Variants in ABCC12 observed in about 807,000 individuals in gnomAD.
The protein encoded by ABCC12 is ATP binding cassette subfamily C member 12.
In ABCC12, 142 loss-of-function variants were observed where a neutral mutation model predicts 151.1. That is an observed-to-expected ratio of 0.94 (90% CI 0.82 to 1.08). The LOEUF (loss-of-function observed/expected upper bound fraction) is 1.08. Among genes scored for constraint, ABCC12 ranks in the 50% least tolerant of loss-of-function variants. The pLI is 0.00. For synonymous variants in ABCC12, 645 were observed against 646.4 expected (o/e 1.00, Z 0.03); for missense variants, 1,638 against 1,691.1 (o/e 0.97, Z 0.55).
rs147446673 is a variant in ABCC12, at chr16:48,091,194, G to A, written c.3211C>T (p.Gln1071Ter). The A allele has an allele frequency of 2.6e-5, 42 of 1,613,944 alleles. No homozygotes were observed. Among genetic ancestry groups the A allele is most frequent in the East Asian group, 1.1e-4 (5 of 44,898 alleles). ...SYIIQLSGLL[Q>*]VCVRTGTETQ... is the part of the protein sequence containing the mutation. ...TCTGTTCCCGTTCGCACACACACTT[G>A]GAGCAGTCCGCTCAGCTGTTGAAAA... Residue 1071 changes from glutamine to a stop codon, truncating the protein, a stop_gained, in exon 25 of 31, where the codon CAA becomes TAA. Coordinates refer to ENST00000311303, the MANE Select transcript of ABCC12 (RefSeq NM_001393797.1). LOFTEE classifies it high-confidence loss of function.
Position 48,096,815 on chromosome 16 carries a change from C to A in ABCC12, c.3126G>T (p.Leu1042Phe), listed in dbSNP as rs761374827. Residue 1042 changes from leucine to phenylalanine, a missense_variant, in exon 24 of 31, where the codon TTG becomes TTT. By Grantham distance (22) the Leu-to-Phe change is conservative (BLOSUM62 0). Transcript: ENST00000311303. ...TGGAGGAGAAACTCAGGGTCACCAA[C>A]AAGGCCACAGTGAAGGTAAGGATGT... ...LMNILTFTVALLVTLSFSSIS... is the reference protein window; with the variant it reads ...LMNILTFTVAFLVTLSFSSIS... 3.7e-6 allele frequency: 6 copies of A among 1,614,124 alleles called. 1 individual carries two copies. In the South Asian group the frequency reaches 5.5e-5, roughly 15 times the overall value.
chr16:48,121,890 T>C, intron 12 of ABCC12, 50 bp from the exon 13 acceptor site: 1 of 1,610,356 alleles, frequency 6.2e-7, no homozygotes, highest in Non-Finnish European at 8.5e-7. Flanking sequence ...TTGAGAACTT[T>C]TCCTCAAATG....
chr16:48,087,777 C>T, intron 27 of ABCC12, 149 bp downstream of exon 27: 1 of 781,730 alleles, frequency 1.3e-6, no homozygotes, highest in South Asian at 2.1e-5. Flanking sequence ...GAAACAGGGA[C>T]CAGCAGTGCT....
intron 9 of ABCC12, among the ~76,000 whole-genome samples, chr16:48,132,211 G>A (rs1021274520): frequency 5.9e-5 from 9 of 152,168 alleles, no homozygotes; most frequent in Admixed American, 1.3e-4. Flanking sequence ...ATTGGGCAGC[G>A]TTACATCCAG....
At chr16:48,107,586 T>C (rs1008516741) in intron 19 of ABCC12, among the ~76,000 whole-genome samples, 161 bp from the exon 20 acceptor site, 1 of 152,194 alleles carries the variant, frequency 6.6e-6, no homozygotes, top group Non-Finnish European at 1.5e-5. Flanking sequence ...CATCTGAGTG[T>C]TGGGACCCTG....
At chr16:48,130,561 C>T (rs1964387582) in intron 10 of ABCC12, among the ~76,000 whole-genome samples, 1 of 152,214 alleles carries the variant, frequency 6.6e-6, no homozygotes, top group African/African-American at 2.4e-5. Context: ...ACATCTTCTT[C>T]ATGTACAGAG....
chr16:48,104,077 A>G, intron 22 of ABCC12, 65 bp downstream of exon 22: 1 of 1,518,226 alleles, frequency 6.6e-7, no homozygotes, highest in Non-Finnish European at 9.0e-7. Flanking sequence ...CATGCTCAAT[A>G]TCACCTGATA....
rs114190511 is a variant in ABCC12 at position 48,135,960 on chromosome 16, G to A, written c.980-2125C>T. On this transcript the variant is annotated intron_variant, in intron 8 of 30. Transcript: ENST00000311303. ...GGACAGCTCCAGATGTTCTAATGGC[G>A]TGATCACTACATGCCAGGTGCTCTG... Among the ~76,000 whole-genome samples, 1,348 of 152,268 alleles carry A rather than the reference G, an allele frequency of 8.9e-3. 16 individuals carry two copies. Among genetic ancestry groups the A allele is most frequent in the African/African-American group, 0.029 (1,213 of 41,544 alleles).
At chr16:48,093,393 A>C (rs1315710872) in intron 24 of ABCC12, among the ~76,000 whole-genome samples, 1 of 152,100 alleles carries the variant, frequency 6.6e-6, no homozygotes, top group Non-Finnish European at 1.5e-5. Context: ...TCTTTCTTCC[A>C]GTCTTCCTTG....
chr16:48,144,311 C>T (rs1964926820), intron 3 of ABCC12, among the ~76,000 whole-genome samples: 1 of 152,162 alleles, frequency 6.6e-6, no homozygotes, highest in Admixed American at 6.5e-5. Context: ...AATTAAATTA[C>T]CTAAGTTTTA....
chr16:48,107,430 A>T lies in ABCC12; in HGVS notation c.2372-5T>A. 6.2e-7 allele frequency: 1 copy of T among 1,613,866 alleles called. No individual in the cohort carries two copies. On this transcript the variant is annotated splice_region_variant and splice_polypyrimidine_tract_variant and intron_variant, in intron 19 of 30. Coordinates refer to ENST00000311303, the MANE Select transcript of ABCC12 (RefSeq NM_001393797.1). ...TGAAGAGAGAAAGGAGGTACCCTGC[A>T]AGAGGAGCGGAGAGGCCCAAGGGGC... is the stretch of plus-strand genomic sequence containing the variant.
In ABCC12 at chr16:48,110,286, A is replaced by T. The variant is rs139304555; in HGVS notation, c.2281+1150T>A. Among the ~76,000 whole-genome samples, 193 of 152,280 alleles carry T rather than the reference A, an allele frequency of 1.3e-3. 1 individual carries two copies. The highest frequency in any genetic ancestry group is 4.3e-3 in the African/African-American group (178 of 41,554). On this transcript the variant is annotated intron_variant, in intron 18 of 30. Coordinates refer to ENST00000311303, the MANE Select transcript of ABCC12 (RefSeq NM_001393797.1). ...AATCTGGATGTGCCTTCCATTTGCT[A>T]GTATGTCATATCGTTTAGTTAGCAG...
chr16:48,136,011 A>C (rs547819247), intron 8 of ABCC12, among the ~76,000 whole-genome samples: 1 of 152,202 alleles, frequency 6.6e-6, no homozygotes, highest in South Asian at 2.1e-4. Flanking sequence ...GTGCTTTCTC[A>C]TAAGATCGTC....
At chr16:48,155,069 C>G (rs577029158) in intron 1 of ABCC12, among the ~76,000 whole-genome samples, 1 of 152,312 alleles carries the variant, frequency 6.6e-6, no homozygotes, top group African/African-American at 2.4e-5. Context: ...CCTGTGGCAG[C>G]CAGATCAGAA....
intron 7 of ABCC12, 147 bp downstream of exon 7, chr16:48,139,016 C>A: frequency 6.3e-6 from 6 of 958,584 alleles, no homozygotes; most frequent in South Asian, 1.9e-5. Context: ...AACAAAAAAC[C>A]ACTACTCTGT....
In ABCC12 at chr16:48,124,289, C is replaced by T. The variant is rs748648281; in HGVS notation, c.1516-5G>A. 1.9e-6 allele frequency: 3 copies of T among 1,613,734 alleles called. No homozygotes were observed. The highest frequency in any genetic ancestry group is 1.7e-5 in the Admixed American group (1 of 60,004). ...ACATATTCCCAAGATCTTCCCCTGC[C>T]AGAGAAACAGAGATGGGACACAGTC... On this transcript the variant is annotated splice_polypyrimidine_tract_variant and splice_region_variant and intron_variant, in intron 11 of 30. Transcript: ENST00000311303.
rs149896750 is a variant in ABCC12 at position 48,141,289 on chromosome 16, C to T, written c.340G>A (p.Val114Met). ...CGTGTCCTCTGGAATTTCCACACCA[C>T]GTGGCTCAGAGAGGCCTTCTCAGGA... The part of the protein sequence containing the change: ...VGPEKASLSH[V>M]VWKFQRTRVL... The change falls in exon 5 of 31, where the codon GTG becomes ATG. Residue 114 changes from valine (V) to methionine (M), a missense_variant. Transcript: ENST00000311303. 4.6e-5 allele frequency: 74 copies of T among 1,614,236 alleles called. No individual in the cohort carries two copies. In the African/African-American group the frequency reaches 6.3e-4, roughly 14 times the overall value.
intron 27 of ABCC12, 128 bp downstream of exon 27, chr16:48,087,798 C>T: frequency 9.8e-7 from 1 of 1,020,680 alleles, no homozygotes; most frequent in South Asian, 1.8e-5. Context: ...TGTGAGCCCC[C>T]CTGGGATACT....
chr16:48,095,790 C>T (rs1482529592), intron 24 of ABCC12, among the ~76,000 whole-genome samples: 1 of 151,924 alleles, frequency 6.6e-6, no homozygotes, highest in African/African-American at 2.4e-5. Flanking sequence ...AGAAATTGGA[C>T]TTTAATCTTA....
Sources: gnomAD v4.1 joint callset for allele counts (sites outside exome capture counted in the v4.1 genomes callset) on GRCh38, gnomAD v4.1.1 for gene constraint, MANE v1.5 for transcripts, NCBI Gene and HGNC (gene_info 2026-07-23, HGNC 2026-07-21) for gene names.